NCOA3: variants seen among roughly 807,000 people sequenced by gnomAD.
The protein encoded by NCOA3 is CBP-interacting protein.
In NCOA3, 51 loss-of-function variants were observed where a neutral mutation model predicts 158.8. The ratio of observed to expected loss-of-function variants is 0.32; its 90% CI spans 0.26 to 0.41. The LOEUF (loss-of-function observed/expected upper bound fraction) is 0.41. Ranked by LOEUF, NCOA3 falls within the 10% of genes least tolerant of loss-of-function variation. The pLI, the probability that NCOA3 is intolerant of heterozygous loss-of-function variation, is 1.00. For missense variants in NCOA3, 1,510 were observed against 1,746.6 expected, an observed-to-expected ratio of 0.86 and a Z score of 2.41; for synonymous variants, 537 against 592.4, an observed-to-expected ratio of 0.91 and a Z score of 1.36.
At chr20:47,576,025 A>G (rs532510771) in intron 1 of NCOA3, among the ~76,000 whole-genome samples, 10 of 152,312 alleles carry the variant, frequency 6.6e-5, no homozygotes, top group South Asian at 4.1e-4. Context: ...GCATTTGAAG[A>G]AATTTACATA....
intron 1 of NCOA3, among the ~76,000 whole-genome samples, chr20:47,546,758 C>G (rs1051065333): frequency 1.3e-5 from 2 of 151,908 alleles, no homozygotes; most frequent in Non-Finnish European, 2.9e-5. Flanking sequence ...CTTGAACTCC[C>G]TAACTCAGGT....
rs1014120280 is a variant in NCOA3, at chr20:47,651,035, T to C, written c.3705T>C (p.Ser1235=). ...CCCAACGCAGCAGAGAGCTGCTAAG[T>C]CATCACTTCCGACAACAGAGGGTGG... ...MVAQRSRELL[S]HHFRQQRVAM... is the part of the protein sequence containing the mutation. Residue 1235 remains serine (S), a synonymous_variant, in exon 20 of 23, where the codon AGT becomes AGC. Coordinates refer to ENST00000371998, the MANE Select transcript of NCOA3 (RefSeq NM_181659.3). 1 of 1,614,048 alleles carries C rather than the reference T, an allele frequency of 6.2e-7. No individual in the cohort carries two copies.
At chr20:47,529,089 G>A (rs2084503798) in intron 1 of NCOA3, among the ~76,000 whole-genome samples, 1 of 150,866 alleles carries the variant, frequency 6.6e-6, no homozygotes, top group African/African-American at 2.4e-5. Flanking sequence ...TTCTTACTCA[G>A]GGTGATACTC....
At chr20:47,624,331 G>GGAAAA (rs2086288157) in intron 4 of NCOA3, among the ~76,000 whole-genome samples, 1 of 152,204 alleles carries the variant, frequency 6.6e-6, no homozygotes, top group Non-Finnish European at 1.5e-5. Flanking sequence ...TTTTCCTGCA[G>GGAAAA]CTAGATGGAT....
rs189430625 is a variant in NCOA3 at position 47,644,081 on chromosome 20, G to A, written c.3252+1697G>A. 3.0e-4 allele frequency among the ~76,000 whole-genome samples: 44 copies of A among 144,854 alleles called. 1 individual carries two copies. The highest frequency in any genetic ancestry group is 2.6e-3 in the Admixed American group (38 of 14,504). On this transcript the variant is annotated intron_variant, in intron 17 of 22. Transcript: ENST00000371998. ...TCTTTATTAACCTTATCTCTCCTGT[G>A]TTTTTTTTTCTGACCTACTTTTCTG... is the stretch of plus-strand genomic sequence containing the variant.
intron 1 of NCOA3, among the ~76,000 whole-genome samples, chr20:47,562,571 G>A (rs1218102151): frequency 2.0e-5 from 3 of 151,882 alleles, no homozygotes; most frequent in African/African-American, 7.3e-5. Context: ...TGGCAAATGA[G>A]GGTCAGGAAT....
At chr20:47,592,152 C>T (rs1402309328) in intron 2 of NCOA3, among the ~76,000 whole-genome samples, 2 of 152,330 alleles carry the variant, frequency 1.3e-5, no homozygotes, top group South Asian at 4.1e-4. Flanking sequence ...AAGCAATTCT[C>T]CTGCCTCAGC....
intron 17 of NCOA3, among the ~76,000 whole-genome samples, chr20:47,642,998 C>T (rs1364805747): frequency 6.6e-6 from 1 of 152,214 alleles, no homozygotes; most frequent in East Asian, 1.9e-4. Context: ...GCAACCTCCA[C>T]CTCCAGGGTT....
chr20:47,597,101 A>G (rs941565711), intron 2 of NCOA3, among the ~76,000 whole-genome samples: 16 of 152,202 alleles, frequency 1.1e-4, no homozygotes, highest in African/African-American at 3.9e-4. Flanking sequence ...AGTTTTGACA[A>G]ATGTGACCAT....
At chr20:47,555,305 A>G (rs1315743632) in intron 1 of NCOA3, among the ~76,000 whole-genome samples, 1 of 152,236 alleles carries the variant, frequency 6.6e-6, no homozygotes, top group Non-Finnish European at 1.5e-5. Flanking sequence ...TCTGTAAGCT[A>G]TGATGTTAGG....
chr20:47,634,346 A>G (rs2086474649), intron 10 of NCOA3, 151 bp downstream of exon 10: 4 of 750,002 alleles, frequency 5.3e-6, no homozygotes, highest in Non-Finnish European at 8.6e-6. Context: ...CTGGATTATG[A>G]TATGTTTAAG....
intron 1 of NCOA3, among the ~76,000 whole-genome samples, chr20:47,521,255 G>A (rs572251743): frequency 3.1e-4 from 47 of 152,190 alleles, no homozygotes; most frequent in Non-Finnish European, 2.2e-4. Context: ...ACCAGAGACC[G>A]CCCCCGGAGG....
At chr20:47,627,524 A>C in intron 6 of NCOA3, 37 bp from the exon 7 acceptor site, 4 of 1,527,116 alleles carry the variant, frequency 2.6e-6, no homozygotes, top group Non-Finnish European at 3.6e-6. Flanking sequence ...ATGAGTTACC[A>C]GCTTTTTAAA....
intron 1 of NCOA3, among the ~76,000 whole-genome samples, chr20:47,524,914 T>G (rs1355867077): frequency 6.6e-6 from 1 of 152,034 alleles, no homozygotes; most frequent in Non-Finnish European, 1.5e-5. Context: ...ATTTCTATTT[T>G]ATTTTATTTA....
chr20:47,580,164 A>G (rs562478565), intron 1 of NCOA3, among the ~76,000 whole-genome samples: 256 of 152,258 alleles, frequency 1.7e-3, no homozygotes, highest in African/African-American at 5.9e-3. Flanking sequence ...TACGAAGACC[A>G]GCACTATAAC....
At chr20:47,570,549 A>T (rs1429669184) in intron 1 of NCOA3, among the ~76,000 whole-genome samples, 1 of 152,138 alleles carries the variant, frequency 6.6e-6, no homozygotes, top group East Asian at 1.9e-4. Flanking sequence ...TATTTCCACC[A>T]CACTTCCAGT....
chr20:47,637,683 T>C lies in NCOA3; in HGVS notation c.2412T>C (p.Leu804=), dbSNP rs1393486786. ...ACTTGGATAATCTAGATGCTATTCT[T>C]GGTGATCTGACTAGTTCTGACTTTT... The part of the protein sequence containing the change: ...SGDLDNLDAI[L]GDLTSSDFYN... Residue 804 remains leucine, a synonymous_variant, in exon 13 of 23, where the codon CTT becomes CTC. Transcript: ENST00000371998. The C allele has an allele frequency of 6.2e-7, 1 of 1,610,384 alleles. No individual in the cohort carries two copies. The highest frequency in any genetic ancestry group is 8.5e-7 in the Non-Finnish European group (1 of 1,178,516).
At chr20:47,626,847 C>G (rs1174390355) in intron 5 of NCOA3, among the ~76,000 whole-genome samples, 155 bp from the exon 6 acceptor site, 1 of 152,124 alleles carries the variant, frequency 6.6e-6, no homozygotes, top group South Asian at 2.1e-4. Flanking sequence ...GGATTAGGGT[C>G]CCCACCGTTA....
chr20:47,581,564 C>CT (rs1299053141), intron 1 of NCOA3, among the ~76,000 whole-genome samples: 1 of 152,100 alleles, frequency 6.6e-6, no homozygotes, highest in Non-Finnish European at 1.5e-5. Context: ...ATCATTTTTC[C>CT]TTTCCCCCAT....
Sources: allele counts gnomAD v4.1 joint callset (sites outside exome capture counted in the v4.1 genomes callset), GRCh38; gene constraint gnomAD v4.1.1; transcripts MANE v1.5; gene names NCBI Gene and HGNC (gene_info 2026-07-23, HGNC 2026-07-21).